The following EPB41L5 variants were observed in gnomAD, a reference collection of about 807,000 sequenced individuals.
EPB41L5 encodes band 4.1-like protein 5.
EPB41L5 carries 55 observed loss-of-function variants against 106.6 expected under a neutral mutation model. The ratio of observed to expected loss-of-function variants is 0.52; its 90% CI spans 0.42 to 0.65. The LOEUF (loss-of-function observed/expected upper bound fraction) is 0.65, where lower values mean the gene tolerates loss of function less well. Ranked by LOEUF, EPB41L5 falls within the 30% of genes least tolerant of loss-of-function variation. The pLI is 0.00. For missense variants in EPB41L5, 871 were observed against 882.1 expected, an observed-to-expected ratio of 0.99 and a Z score of 0.16; for synonymous variants, 297 against 306.7, an observed-to-expected ratio of 0.97 and a Z score of 0.33.
rs745462819 is a variant in EPB41L5 at position 120,090,443 on chromosome 2, C to T, written c.970C>T (p.Arg324Cys). 8.7e-6 allele frequency: 14 copies of T among 1,613,606 alleles called. No individual in the cohort carries two copies. The highest frequency in any genetic ancestry group is 5.3e-5 in the African/African-American group (4 of 74,866). Residue 324 changes from arginine to cysteine, a missense_variant, in exon 12 of 25, where the codon CGC becomes TGC. Arg to Cys is a radical substitution (Grantham distance 180). Transcript: ENST00000263713. ...TGCTGTGGAGCATCATGCTTTCTTC[C>T]GCCTTCGAGGCCCCGTCCAAAAGAG... ...KCAVEHHAFF[R>C]LRGPVQKSSH...
At chr2:120,026,943 A>G (rs1308169169) in intron 2 of EPB41L5, among the ~76,000 whole-genome samples, 3 of 152,258 alleles carry the variant, frequency 2.0e-5, no homozygotes, top group Non-Finnish European at 4.4e-5. Context: ...AATGACCAGC[A>G]AGCACATGAA....
chr2:120,033,144 C>A (rs1678826647), intron 2 of EPB41L5, among the ~76,000 whole-genome samples: 1 of 152,102 alleles, frequency 6.6e-6, no homozygotes, highest in Admixed American at 6.5e-5. Context: ...TTCACTCACC[C>A]AGAATAAGTA....
chr2:120,014,498 A>G (rs1408766967), intron 1 of EPB41L5, among the ~76,000 whole-genome samples: 2 of 152,192 alleles, frequency 1.3e-5, no homozygotes, highest in Non-Finnish European at 1.5e-5. Context: ...TAAAAAAGAT[A>G]ATAATTAACA....
chr2:120,092,008 TTTTATTTA>T (rs145583905), intron 13 of EPB41L5, among the ~76,000 whole-genome samples: 113 of 146,716 alleles, frequency 7.7e-4, no homozygotes, highest in African/African-American at 1.3e-3. Flanking sequence ...TTAAAAACAT[TTTTATTTA>T]TTTATTTATT....
chr2:120,028,039 T>C (rs1678454512), intron 2 of EPB41L5, among the ~76,000 whole-genome samples: 1 of 152,038 alleles, frequency 6.6e-6, no homozygotes, highest in East Asian at 1.9e-4. Context: ...ATTTTTGTTA[T>C]TTTTAGTAGA....
intron 3 of EPB41L5, among the ~76,000 whole-genome samples, chr2:120,063,152 CAACCTGGTGAA>C (rs1367830345): frequency 6.6e-6 from 1 of 151,578 alleles, no homozygotes; most frequent in Non-Finnish European, 1.5e-5. Flanking sequence ...CTAGCCCGGC[CAACCTGGTGAA>C]AACCTGTCTC....
At chr2:120,068,033 G>GAT (rs1681566671) in intron 3 of EPB41L5, among the ~76,000 whole-genome samples, 1 of 152,214 alleles carries the variant, frequency 6.6e-6, no homozygotes, top group Non-Finnish European at 1.5e-5. Context: ...CTGCCAGTGA[G>GAT]ATCAACGTGG....
intron 11 of EPB41L5, among the ~76,000 whole-genome samples, chr2:120,089,945 A>T (rs1022361124): frequency 1.3e-5 from 2 of 152,080 alleles, no homozygotes; most frequent in Non-Finnish European, 2.9e-5. Flanking sequence ...TTCTATATGA[A>T]TGTTAACTAT....
chr2:120,085,065 G>C (rs1350462459), intron 10 of EPB41L5, among the ~76,000 whole-genome samples: 1 of 152,126 alleles, frequency 6.6e-6, no homozygotes, highest in Non-Finnish European at 1.5e-5. Context: ...TTTGTGATGG[G>C]TTCGAACTTC....
At chr2:120,100,219 A>T (rs760285680) in intron 14 of EPB41L5, 25 bp from the exon 15 acceptor site, 1 of 1,602,490 alleles carries the variant, frequency 6.2e-7, no homozygotes, top group Non-Finnish European at 8.5e-7. Context: ...TAGGGTTTTT[A>T]ATTGATTTTT....
intron 2 of EPB41L5, among the ~76,000 whole-genome samples, chr2:120,028,556 T>C (rs1678492617): frequency 6.6e-6 from 1 of 151,992 alleles, no homozygotes. Flanking sequence ...ATAGGTTTAA[T>C]TTAGAGGTGA....
chr2:120,088,204 T>A (rs1030540575), intron 11 of EPB41L5, among the ~76,000 whole-genome samples: 1 of 152,206 alleles, frequency 6.6e-6, no homozygotes, highest in Non-Finnish European at 1.5e-5. Flanking sequence ...GCTCAGTAAT[T>A]TGACTGCTAT....
intron 16 of EPB41L5, among the ~76,000 whole-genome samples, chr2:120,126,994 C>T (rs1175310434): frequency 2.0e-5 from 3 of 152,138 alleles, no homozygotes; most frequent in African/African-American, 7.2e-5. Flanking sequence ...TCCTAAGTTT[C>T]TATCCCTTTT....
At chr2:120,061,648 G>A (rs1263153315) in intron 3 of EPB41L5, among the ~76,000 whole-genome samples, 7 of 152,158 alleles carry the variant, frequency 4.6e-5, no homozygotes, top group Middle Eastern at 3.4e-3. Flanking sequence ...CACCACACCC[G>A]GCCTATTCAG....
intron 2 of EPB41L5, among the ~76,000 whole-genome samples, chr2:120,035,296 C>T (rs1678975893): frequency 6.6e-6 from 1 of 152,010 alleles, no homozygotes; most frequent in South Asian, 2.1e-4. Context: ...TAGGGTCTTG[C>T]TATGTTATCC....
chr2:120,048,117 A>AC (rs1558823492), intron 3 of EPB41L5, among the ~76,000 whole-genome samples: 9 of 828 alleles, frequency 0.011, no homozygotes, highest in Admixed American at 0.042. Context: ...TTGGTCTAAA[A>AC]TTCTTTTTTT....
chr2:120,061,727 G>A (rs1407906515), intron 3 of EPB41L5, among the ~76,000 whole-genome samples: 2 of 152,164 alleles, frequency 1.3e-5, no homozygotes. Context: ...CTTGTATAAC[G>A]TGATACTGTA....
intron 2 of EPB41L5, among the ~76,000 whole-genome samples, chr2:120,033,568 G>A (rs555821733): frequency 2.6e-5 from 4 of 151,962 alleles, no homozygotes; most frequent in African/African-American, 7.2e-5. Context: ...TTAGCCGGGC[G>A]TAGTAGCAGG....
At chr2:120,028,070 G>A (rs1385229870) in intron 2 of EPB41L5, among the ~76,000 whole-genome samples, 1 of 151,966 alleles carries the variant, frequency 6.6e-6, no homozygotes, top group Non-Finnish European at 1.5e-5. Context: ...CACCATATTG[G>A]CCAGGCTGGT....
Sources: allele counts gnomAD v4.1 joint callset (sites outside exome capture counted in the v4.1 genomes callset), GRCh38; gene constraint gnomAD v4.1.1; transcripts MANE v1.5; gene names NCBI Gene and HGNC (gene_info 2026-07-23, HGNC 2026-07-21).